Variants in TACC1 observed in about 807,000 individuals in gnomAD.
TACC1 encodes transforming acidic coiled-coil-containing protein 1.
In TACC1, 48 loss-of-function variants were observed where a neutral mutation model predicts 84.4. That is an observed-to-expected ratio of 0.57 (90% CI 0.45 to 0.72). The LOEUF is 0.72. Among genes scored for constraint, TACC1 ranks in the 30% least tolerant of loss-of-function variants. TACC1 has a pLI of 0.00. For missense variants in TACC1, 920 were observed against 973.0 expected (o/e 0.95, Z 0.72); for synonymous variants, 372 against 376.3 (o/e 0.99, Z 0.13).
intron 11 of TACC1, among the ~76,000 whole-genome samples, chr8:38,845,726 C>T (rs1056319669): frequency 1.3e-4 from 20 of 152,208 alleles, no homozygotes; most frequent in African/African-American, 4.8e-4. Flanking sequence ...AGTGGCATTG[C>T]TGCGTTGGAG....
At chr8:38,831,305 T>C (rs1482256848) in intron 6 of TACC1, 128 bp downstream of exon 6, 7 of 941,934 alleles carry the variant, frequency 7.4e-6, no homozygotes, top group Admixed American at 2.1e-5. Context: ...TGAGATAGTT[T>C]CTTCACTTGA....
chr8:38,758,170 G>T (rs1030148830), intron 3 of TACC1, among the ~76,000 whole-genome samples: 1 of 152,076 alleles, frequency 6.6e-6, no homozygotes, highest in Non-Finnish European at 1.5e-5. Context: ...CAGTGTCAGG[G>T]AATCCATACT....
intron 8 of TACC1, chr8:38,839,857 T>C (rs1243280710): frequency 5.9e-6 from 1 of 169,698 alleles, no homozygotes; most frequent in Non-Finnish European, 1.2e-5. Context: ...TCGCATCTGT[T>C]AGGAAGAGCC....
chr8:38,787,135 G>A (rs1360382801), upstream of TACC1: 30 of 984,076 alleles, frequency 3.0e-5, no homozygotes, highest in Admixed American at 1.2e-4. Context: ...CGGCGCCGCC[G>A]CCGCCCCCGC....
chr8:38,797,951 G>T (rs1820375751), intron 2 of TACC1, among the ~76,000 whole-genome samples: 1 of 152,182 alleles, frequency 6.6e-6, no homozygotes, highest in African/African-American at 2.4e-5. Flanking sequence ...GATGGTTCCA[G>T]AACCCATGGG....
chr8:38,792,610 C>T (rs755512440), intron 2 of TACC1, among the ~76,000 whole-genome samples: 10 of 152,298 alleles, frequency 6.6e-5, no homozygotes, highest in East Asian at 5.8e-4. Context: ...GGACCACAGG[C>T]GCCCACCACT....
At chr8:38,826,577 C>A (rs1435446361) in intron 4 of TACC1, among the ~76,000 whole-genome samples, 3 of 152,062 alleles carry the variant, frequency 2.0e-5, no homozygotes, top group Non-Finnish European at 2.9e-5. Context: ...AAAAGACTTT[C>A]AACCATGCAG....
At chr8:38,847,836 A>C in intron 12 of TACC1, 119 bp from the exon 13 acceptor site, 1 of 757,096 alleles carries the variant, frequency 1.3e-6, no homozygotes, top group Non-Finnish European at 2.1e-6. Flanking sequence ...AGAAAAGTTA[A>C]AAATCACTGA....
chr8:38,749,732 C>T (rs1808700803), intron 3 of TACC1, among the ~76,000 whole-genome samples: 1 of 151,496 alleles, frequency 6.6e-6, no homozygotes, highest in Admixed American at 6.6e-5. Context: ...GCTGGGATTA[C>T]AGGCACGCAC....
At chr8:38,839,252 G>A (rs1017837407) in intron 8 of TACC1, 9 of 388,508 alleles carry the variant, frequency 2.3e-5, no homozygotes, top group African/African-American at 1.9e-4. Context: ...CCAAATAGAT[G>A]ATAGAAAGCT....
At chr8:38,820,656 G>A (rs1422338367) in intron 3 of TACC1, 21 bp downstream of exon 3, 2 of 1,587,208 alleles carry the variant, frequency 1.3e-6, no homozygotes, top group South Asian at 1.1e-5. Flanking sequence ...GTGGGCGCTG[G>A]GTGTCGTGCT....
upstream of TACC1, among the ~76,000 whole-genome samples, chr8:38,786,644 C>T (rs564115071): frequency 3.9e-5 from 6 of 152,158 alleles, no homozygotes; most frequent in African/African-American, 1.2e-4. Flanking sequence ...GGGAAGCCTC[C>T]CCGAGTGCGG....
At chr8:38,819,375 G>C in intron 2 of TACC1, 147 bp from the exon 3 acceptor site, 1 of 928,044 alleles carries the variant, frequency 1.1e-6, no homozygotes, top group Non-Finnish European at 1.6e-6. Context: ...CTTTCAGGCT[G>C]TGCTGCCATC....
At position 38,787,615 on chromosome 8, in the gene TACC1, C is replaced by T; in HGVS notation, c.33C>T (p.Pro11=). 6.5e-7 allele frequency: 1 copy of T among 1,546,388 alleles called. No individual in the cohort carries two copies. The highest frequency in any genetic ancestry group is 8.7e-7 in the Non-Finnish European group (1 of 1,144,760). The change falls in exon 1 of 13, where the codon CCC becomes CCT. Residue 11 remains proline, a synonymous_variant. Coordinates refer to ENST00000317827, the MANE Select transcript of TACC1 (RefSeq NM_006283.3). MAFSPWQILS[P]VQWAKWTWSA... is the part of the protein sequence containing the mutation. ...TCAGCCCGTGGCAGATCCTGTCCCCCGTGCAGTGGGCGAAATGGACGTGGT... is the reference window on the plus strand; with the variant it reads ...TCAGCCCGTGGCAGATCCTGTCCCCTGTGCAGTGGGCGAAATGGACGTGGT...
intron 3 of TACC1, among the ~76,000 whole-genome samples, chr8:38,762,563 GT>G: frequency 6.8e-6 from 1 of 146,278 alleles, no homozygotes; most frequent in Non-Finnish European, 1.5e-5. Flanking sequence ...TTTTTTTTTT[GT>G]TTTTTTTGGG....
At chr8:38,773,889 A>G (rs1814236210) in intron 3 of TACC1, among the ~76,000 whole-genome samples, 1 of 152,232 alleles carries the variant, frequency 6.6e-6, no homozygotes, top group Non-Finnish European at 1.5e-5. Context: ...AACAGTGGCT[A>G]TTTATGAAAG....
At chr8:38,804,671 C>T (rs575294552) in intron 2 of TACC1, among the ~76,000 whole-genome samples, 2 of 152,126 alleles carry the variant, frequency 1.3e-5, no homozygotes, top group African/African-American at 2.4e-5. Context: ...GGCACTATCA[C>T]AGCTCACTGC....
At chr8:38,825,160 C>A in intron 3 of TACC1, 148 bp from the exon 4 acceptor site, 1 of 780,554 alleles carries the variant, frequency 1.3e-6, no homozygotes, top group South Asian at 1.6e-5. Context: ...AAAAGGTGTC[C>A]CTGCCTCTCT....
chr8:38,794,829 C>T (rs1819598255), intron 2 of TACC1, among the ~76,000 whole-genome samples: 2 of 152,178 alleles, frequency 1.3e-5, no homozygotes, highest in African/African-American at 4.8e-5. Context: ...TAGGACCTTT[C>T]ATATTACCTA....
Sources: allele counts gnomAD v4.1 joint callset (sites outside exome capture counted in the v4.1 genomes callset), GRCh38; gene constraint gnomAD v4.1.1; transcripts MANE v1.5; gene names NCBI Gene and HGNC (gene_info 2026-07-23, HGNC 2026-07-21).